Variants in FGF12 observed in about 807,000 individuals in gnomAD.
The protein encoded by FGF12 is fibroblast growth factor 12B.
Under a neutral mutation model 23.6 loss-of-function variants are expected in FGF12, and 14 were observed. The observed-to-expected ratio is 0.59, with a 90% confidence interval of 0.39 to 0.93. FGF12 has a LOEUF of 0.93. Among genes scored for constraint, FGF12 ranks in the 40% least tolerant of loss-of-function variants. FGF12 has a pLI of 0.00. For synonymous variants in FGF12, 62 were observed against 77.3 expected, an observed-to-expected ratio of 0.80 and a Z score of 1.04; for missense variants, 175 against 217.8, an observed-to-expected ratio of 0.80 and a Z score of 1.24.
intron 2 of FGF12, among the ~76,000 whole-genome samples, chr3:192,543,167 G>A (rs1339137243): frequency 6.6e-6 from 1 of 152,186 alleles, no homozygotes; most frequent in Non-Finnish European, 1.5e-5. Flanking sequence ...AGAAACCTTA[G>A]GAATCTACCT....
At chr3:192,346,502 A>G (rs1717967404) in intron 3 of FGF12, among the ~76,000 whole-genome samples, 1 of 152,200 alleles carries the variant, frequency 6.6e-6, no homozygotes, top group South Asian at 2.1e-4. Flanking sequence ...TGATTCTTCT[A>G]ATCACTTGGT....
chr3:192,680,041 T>C (rs974433166), intron 2 of FGF12, among the ~76,000 whole-genome samples: 6 of 152,210 alleles, frequency 3.9e-5, no homozygotes. Flanking sequence ...AAGATTTCTA[T>C]ACTAAGGGCT....
intron 2 of FGF12, among the ~76,000 whole-genome samples, chr3:192,538,658 C>T (rs1188766014): frequency 6.6e-6 from 1 of 151,970 alleles, no homozygotes; most frequent in African/African-American, 2.4e-5. Flanking sequence ...AATTTTTTTT[C>T]TATTTCTGTG....
At chr3:192,430,075 A>G (rs1334683288) in intron 2 of FGF12, among the ~76,000 whole-genome samples, 10 of 152,158 alleles carry the variant, frequency 6.6e-5, no homozygotes, top group Non-Finnish European at 1.5e-4. Context: ...CTTTGCTTGC[A>G]TATGTTCATA....
At chr3:192,558,204 G>A (rs1374876257) in intron 2 of FGF12, among the ~76,000 whole-genome samples, 1 of 151,364 alleles carries the variant, frequency 6.6e-6, no homozygotes, top group Non-Finnish European at 1.5e-5. Context: ...TAAACAAACA[G>A]AAAAACAGAG....
chr3:192,257,349 A>G (rs1257389141), intron 4 of FGF12, among the ~76,000 whole-genome samples: 2 of 152,174 alleles, frequency 1.3e-5, no homozygotes, highest in Non-Finnish European at 2.9e-5. Flanking sequence ...CAATCAAAAT[A>G]TAGCCTGTCC....
At chr3:192,277,280 G>T (rs1195644812) in intron 4 of FGF12, among the ~76,000 whole-genome samples, 2 of 152,208 alleles carry the variant, frequency 1.3e-5, no homozygotes, top group Admixed American at 1.3e-4. Context: ...TTAGAGATAT[G>T]CCTAGGCCAG....
intron 2 of FGF12, among the ~76,000 whole-genome samples, chr3:192,458,453 T>C (rs1722751053): frequency 1.3e-5 from 2 of 152,212 alleles, no homozygotes; most frequent in Admixed American, 6.5e-5. Context: ...CAGTGTGACC[T>C]GGATGTGAGA....
chr3:192,647,932 AT>A (rs1234710065), intron 2 of FGF12, among the ~76,000 whole-genome samples: 1 of 151,984 alleles, frequency 6.6e-6, no homozygotes, highest in Non-Finnish European at 1.5e-5. Flanking sequence ...ACACTTTAGT[AT>A]TTGATAGGTC....
intron 4 of FGF12, among the ~76,000 whole-genome samples, chr3:192,296,944 C>A (rs1715074169): frequency 6.6e-6 from 1 of 152,138 alleles, no homozygotes; most frequent in Non-Finnish European, 1.5e-5. Context: ...TGCAAGTTTA[C>A]AAAAGGAATA....
Position 192,360,629 on chromosome 3 carries a change from A to G in FGF12, c.14-91T>C. 1 of 817,482 alleles carries G rather than the reference A, an allele frequency of 1.2e-6. No individual in the cohort carries two copies. The highest frequency in any genetic ancestry group is 2.1e-6 in the Non-Finnish European group (1 of 471,930). 50.6% of individuals were successfully genotyped at this position (817,482 alleles called of 1,614,324 possible). A position where few individuals can be genotyped will look rare whatever the true frequency, so the allele number is the denominator to read the frequency against. On this transcript the variant is annotated intron_variant, in intron 2 of 5. Transcript: ENST00000445105. The surrounding 1 kb of genome is among the most constrained non-coding windows in gnomAD (Gnocchi z 4.3). ...AAAAACATCCTGTAAGTAAATACGT[A>G]AATGCCAATAGCTTAAATATTGAAT...
chr3:192,575,686 T>G (rs1427385535), intron 2 of FGF12, among the ~76,000 whole-genome samples: 1 of 152,170 alleles, frequency 6.6e-6, no homozygotes, highest in Non-Finnish European at 1.5e-5. Context: ...TGGTCCCTCT[T>G]AAGCCTAGTT....
At chr3:192,366,023 G>A (rs997689405) in intron 2 of FGF12, among the ~76,000 whole-genome samples, 4 of 150,902 alleles carry the variant, frequency 2.7e-5, no homozygotes, top group African/African-American at 7.3e-5. Context: ...ACTCTGGCTC[G>A]GAGAGACAGT....
chr3:192,456,570 T>C (rs568531684), intron 2 of FGF12, among the ~76,000 whole-genome samples: 2 of 152,304 alleles, frequency 1.3e-5, no homozygotes, highest in African/African-American at 4.8e-5. Flanking sequence ...TAAAATCTCA[T>C]TTACCCCATA....
At chr3:192,206,617 A>G (rs1016177061) in intron 4 of FGF12, among the ~76,000 whole-genome samples, 2 of 152,232 alleles carry the variant, frequency 1.3e-5, no homozygotes, top group Non-Finnish European at 2.9e-5. Context: ...TTTCTAAACC[A>G]TATCACACAT....
chr3:192,576,470 G>A (rs1712890774), intron 2 of FGF12, among the ~76,000 whole-genome samples: 1 of 152,160 alleles, frequency 6.6e-6, no homozygotes, highest in South Asian at 2.1e-4. Context: ...ATTGGAAAAG[G>A]AGGTAAGAAA....
rs77734948 is a variant in FGF12 at position 192,568,512 on chromosome 3, G to C, written c.13+158669C>G. Among the ~76,000 whole-genome samples, 945 of 152,228 alleles carry C rather than the reference G, an allele frequency of 6.2e-3. 5 individuals carry two copies. Among genetic ancestry groups the C allele is most frequent in the African/African-American group, 0.021 (891 of 41,522 alleles). ...AAATAAGAGAGTTAGACCAGCCAAT[G>C]GTCACAGTCAAAAGCGTTCTTGGTC... On this transcript the variant is annotated intron_variant, in intron 2 of 5. Transcript: ENST00000445105.
intron 4 of FGF12, among the ~76,000 whole-genome samples, chr3:192,286,523 T>A (rs1374402628): frequency 6.6e-6 from 1 of 152,076 alleles, no homozygotes; most frequent in Non-Finnish European, 1.5e-5. Context: ...CAGTTTTGGT[T>A]GTTTCACATA....
chr3:192,617,826 C>T (rs941437602), intron 2 of FGF12, among the ~76,000 whole-genome samples: 28 of 152,160 alleles, frequency 1.8e-4, no homozygotes, highest in Admixed American at 1.6e-3. Context: ...TGGGTAGATG[C>T]TGAACAGGGT....
Sources: allele counts gnomAD v4.1 joint callset (sites outside exome capture counted in the v4.1 genomes callset), GRCh38; gene constraint gnomAD v4.1.1; non-coding constraint Gnocchi (gnomAD v3.1); transcripts MANE v1.5; gene names NCBI Gene and HGNC (gene_info 2026-07-23, HGNC 2026-07-21).